The following CNST variants were observed in gnomAD, a reference collection of about 807,000 sequenced individuals.
CNST encodes the protein consortin.
Under a neutral mutation model 72.4 loss-of-function variants are expected in CNST, and 39 were observed. The observed-to-expected ratio is 0.54, with a 90% CI of 0.42 to 0.70. CNST has a LOEUF of 0.70. CNST is among the 30% of genes least tolerant of loss of function. The probability of loss-of-function intolerance (pLI) is 0.00; values close to 1 mark genes in which losing one functional copy is unlikely to be tolerated. For synonymous variants in CNST, 332 were observed against 320.1 expected, an observed-to-expected ratio of 1.04 and a Z score of -0.40; for missense variants, 871 against 868.5, an observed-to-expected ratio of 1.00 and a Z score of -0.04.
intron 2 of CNST, among the ~76,000 whole-genome samples, chr1:246,602,434 A>C (rs1325002543): frequency 1.3e-5 from 2 of 152,180 alleles, no homozygotes; most frequent in Admixed American, 1.3e-4. Context: ...ATCTGCTTCC[A>C]AGGTCACATG....
intron 1 of CNST, among the ~76,000 whole-genome samples, chr1:246,589,707 T>G (rs1189152297): frequency 6.6e-6 from 1 of 152,220 alleles, no homozygotes; most frequent in Non-Finnish European, 1.5e-5. Context: ...TCCACAATGG[T>G]TGAACTAGTT....
At chr1:246,570,477 A>G (rs1191180808) in intron 1 of CNST, among the ~76,000 whole-genome samples, 1 of 152,238 alleles carries the variant, frequency 6.6e-6, no homozygotes, top group Non-Finnish European at 1.5e-5. Context: ...AATACAGGAA[A>G]CATGCCCTCT....
At chr1:246,608,998 C>G (rs1267798429) in intron 2 of CNST, among the ~76,000 whole-genome samples, 1 of 152,206 alleles carries the variant, frequency 6.6e-6, no homozygotes, top group Non-Finnish European at 1.5e-5. Context: ...GTTAACAGGG[C>G]AGCTGGACTC....
At chr1:246,566,770 G>T in intron 1 of CNST, 107 bp downstream of exon 1, 2 of 398,490 alleles carry the variant, frequency 5.0e-6, no homozygotes, top group East Asian at 7.1e-5. Context: ...TCCTCCAGCC[G>T]CGCAGCCTCT....
chr1:246,596,075 C>T (rs1661858559), intron 2 of CNST, among the ~76,000 whole-genome samples: 2 of 151,860 alleles, frequency 1.3e-5, no homozygotes, highest in African/African-American at 2.4e-5. Context: ...GAATTGAATC[C>T]CCTTGATATG....
Position 246,624,761 on chromosome 1 carries a change from T to A in CNST, c.585+3127T>A, listed in dbSNP as rs994963410. Among the ~76,000 whole-genome samples the A allele has an allele frequency of 2.6e-5, 4 of 152,228 alleles. No individual in the cohort carries two copies. The East Asian group carries it at 7.7e-4, about 29-fold the overall frequency. On this transcript the variant is annotated intron_variant, in intron 3 of 10. Transcript: ENST00000366513. ...GATTTGCCAGTTGTTGACATTTTTA[T>A]CAAATTTTTGCTCTGTTTTTTAGCT...
At chr1:246,664,184 G>A (rs1667261687) in intron 10 of CNST, among the ~76,000 whole-genome samples, 1 of 152,056 alleles carries the variant, frequency 6.6e-6, no homozygotes, top group East Asian at 1.9e-4. Context: ...TTATATAAAT[G>A]TCCCATAATT....
At chr1:246,595,890 A>G (rs1661845140) in intron 2 of CNST, among the ~76,000 whole-genome samples, 1 of 152,246 alleles carries the variant, frequency 6.6e-6, no homozygotes, top group Admixed American at 6.5e-5. Flanking sequence ...ATGATAGTGC[A>G]GGACTCTTGT....
intron 8 of CNST, among the ~76,000 whole-genome samples, chr1:246,642,513 T>TA (rs1192998129): frequency 1.3e-5 from 2 of 152,070 alleles, no homozygotes; most frequent in East Asian, 3.9e-4. Flanking sequence ...TTCTGTTTAC[T>TA]AACATATGAT....
chr1:246,660,687 C>T (rs1667053431), intron 10 of CNST, among the ~76,000 whole-genome samples: 4 of 152,198 alleles, frequency 2.6e-5, no homozygotes, highest in Admixed American at 2.0e-4. Flanking sequence ...CGTGCCACTG[C>T]ACTTCAGCCT....
intron 1 of CNST, among the ~76,000 whole-genome samples, chr1:246,573,176 A>G (rs2103000888): frequency 6.6e-6 from 1 of 152,342 alleles, no homozygotes; most frequent in East Asian, 1.9e-4. Context: ...TCTTCTTGCT[A>G]CAAGTATTTT....
chr1:246,609,883 A>AT (rs1425562186), intron 2 of CNST, among the ~76,000 whole-genome samples: 1 of 152,246 alleles, frequency 6.6e-6, no homozygotes, highest in East Asian at 1.9e-4. Context: ...TAACCATTTC[A>AT]TTCTACAGTT....
At chr1:246,635,513 G>T (rs1320509396) in intron 6 of CNST, among the ~76,000 whole-genome samples, 1 of 152,084 alleles carries the variant, frequency 6.6e-6, no homozygotes, top group Non-Finnish European at 1.5e-5. Context: ...TGTTTGAAGC[G>T]ATTTCTAGAA....
At chr1:246,649,767 A>T (rs1264878905) in intron 9 of CNST, among the ~76,000 whole-genome samples, 1 of 151,426 alleles carries the variant, frequency 6.6e-6, no homozygotes, top group East Asian at 1.9e-4. Flanking sequence ...GATAATAGGA[A>T]CTTTTGGAAT....
rs1175154076 is a variant in CNST, at chr1:246,634,525, A to G, written c.756A>G (p.Ser252=). 2 of 1,609,996 alleles carry G rather than the reference A, an allele frequency of 1.2e-6. No individual in the cohort carries two copies. Among genetic ancestry groups the G allele is most frequent in the Admixed American group, 1.7e-5 (1 of 58,454 alleles). ...ATACAGTTACGGCTCTAAGGAATTC[A>G]GAAAAGGGATTTAATGGTGAAGATT... The part of the protein sequence containing the change: ...QPHTVTALRN[S]EKGFNGEDFE... Residue 252 remains serine, a synonymous_variant, in exon 6 of 11, where the codon TCA becomes TCG. Coordinates refer to ENST00000366513, the MANE Select transcript of CNST (RefSeq NM_152609.3).
At chr1:246,595,886 G>C (rs1166980662) in intron 2 of CNST, among the ~76,000 whole-genome samples, 1 of 152,128 alleles carries the variant, frequency 6.6e-6, no homozygotes, top group Non-Finnish European at 1.5e-5. Context: ...AAAAATGATA[G>C]TGCAGGACTC....
chr1:246,641,671 A>T, intron 6 of CNST, 78 bp from the exon 7 acceptor site: 1 of 810,488 alleles, frequency 1.2e-6, no homozygotes, highest in South Asian at 1.5e-5. Context: ...TTTTATAGCC[A>T]TTTCAGTGAC....
intron 1 of CNST, among the ~76,000 whole-genome samples, chr1:246,582,070 C>A (rs932774015): frequency 6.6e-6 from 1 of 152,002 alleles, no homozygotes. Flanking sequence ...TGTTAATAAC[C>A]TTATATGTAT....
Position 246,646,557 on chromosome 1 carries a change from C to T in CNST, c.938-582C>T, listed in dbSNP as rs147699376. Among the ~76,000 whole-genome samples the T allele has an allele frequency of 3.7e-3, 556 of 152,100 alleles. 3 individuals are homozygous for T. Among genetic ancestry groups the T allele is most frequent in the African/African-American group, 0.013 (530 of 41,502 alleles). On this transcript the variant is annotated intron_variant, in intron 8 of 10. Coordinates refer to ENST00000366513, the MANE Select transcript of CNST (RefSeq NM_152609.3). ...GTGCAATGGCGTGATCTCAGGTAACCGCAGCCTCCGCCTCCCGGGTTCAAG... is the reference window on the plus strand; with the variant it reads ...GTGCAATGGCGTGATCTCAGGTAACTGCAGCCTCCGCCTCCCGGGTTCAAG...
Sources: gnomAD v4.1 joint callset for allele counts (sites outside exome capture counted in the v4.1 genomes callset) on GRCh38, gnomAD v4.1.1 for gene constraint, MANE v1.5 for transcripts, NCBI Gene and HGNC (gene_info 2026-07-23, HGNC 2026-07-21) for gene names.